The following FBXO21 variants were observed in gnomAD, a reference collection of about 807,000 sequenced individuals.
The protein encoded by FBXO21 is F-box only protein 21.
Under a neutral mutation model 76.6 loss-of-function variants are expected in FBXO21, and 32 were observed. That is an observed-to-expected ratio of 0.42 (90% CI 0.32 to 0.56). FBXO21 has a LOEUF of 0.56. FBXO21 is among the 20% of genes least tolerant of loss of function. The pLI is 0.16. For synonymous variants in FBXO21, 328 were observed against 311.5 expected (o/e 1.05, Z -0.56); for missense variants, 586 against 797.3 (o/e 0.73, Z 3.19).
rs1287528445 is a variant in FBXO21 at position 117,142,642 on chromosome 12, ATT to A, written c.*3443_*3444del. On this transcript the variant is annotated 3_prime_UTR_variant, in exon 12 of 12. Transcript: ENST00000622495. ...CAATTGTCCCACATCCAAATTTTGC[ATT>A]TTGTCCAGTTGATGTCTCTCCTTCC... The A allele has an allele frequency of 7.3e-6, 1 of 136,864 alleles. No homozygotes were observed. Among genetic ancestry groups the A allele is most frequent in the African/African-American group, 2.8e-5 (1 of 35,444 alleles). The allele number at this position is 136,864 out of a possible 1,614,324, so 8.5% of individuals were successfully genotyped here.
intron 4 of FBXO21, among the ~76,000 whole-genome samples, chr12:117,176,893 C>T (rs569940294): frequency 5.3e-5 from 8 of 152,092 alleles, no homozygotes; most frequent in Non-Finnish European, 8.8e-5. Flanking sequence ...TAAAAGTAAA[C>T]GACCAGTCAT....
chr12:117,188,901 G>T, intron 2 of FBXO21: 1 of 252,554 alleles, frequency 4.0e-6, no homozygotes, highest in South Asian at 7.7e-5. Flanking sequence ...AATAACGGAG[G>T]GGTTGCAAAA....
intron 11 of FBXO21, among the ~76,000 whole-genome samples, chr12:117,154,736 T>C (rs1402943439): frequency 1.3e-5 from 2 of 152,222 alleles, no homozygotes; most frequent in East Asian, 1.9e-4. Context: ...GCTGGGATTA[T>C]AGGTGTGAGA....
chr12:117,154,088 G>A (rs1337357495), intron 11 of FBXO21, among the ~76,000 whole-genome samples: 2 of 152,252 alleles, frequency 1.3e-5, no homozygotes, highest in African/African-American at 2.4e-5. Flanking sequence ...GCCATTTGTT[G>A]TAGGCTATCA....
At chr12:117,176,403 C>T (rs558642669) in intron 4 of FBXO21, among the ~76,000 whole-genome samples, 1 of 152,246 alleles carries the variant, frequency 6.6e-6, no homozygotes, top group South Asian at 2.1e-4. Flanking sequence ...CCAGTCTAGA[C>T]AATGGCCTGG....
chr12:117,173,652 A>G (rs1268289320), intron 6 of FBXO21, among the ~76,000 whole-genome samples: 4 of 152,260 alleles, frequency 2.6e-5, no homozygotes, highest in African/African-American at 9.6e-5. Context: ...CTGACCAAAC[A>G]GAGTCAGAGA....
In FBXO21 at chr12:117,174,794, G is replaced by C; in HGVS notation, c.596C>G (p.Ala199Gly). 6.2e-7 allele frequency: 1 copy of C among 1,609,594 alleles called. No individual in the cohort carries two copies. Reference protein sequence around the residue: ...PDDYESYLEGAVYIDQYCNPL... With the variant: ...PDDYESYLEGGVYIDQYCNPL... ...ATTGCAGTACTGGTCAATATATACAGCACCTGAAAATGAACAAGAATTACC... is the reference window on the plus strand; with the variant it reads ...ATTGCAGTACTGGTCAATATATACACCACCTGAAAATGAACAAGAATTACC... Residue 199 changes from alanine to glycine, a missense_variant, in exon 5 of 12, where the codon GCT becomes GGT. Physicochemically the swap from Ala to Gly is moderately conservative, Grantham distance 60. This residue lies in a region of FBXO21 where 246 missense variants were observed against 356.8 expected (regional missense o/e 0.69). Coordinates refer to ENST00000622495, the MANE Select transcript of FBXO21 (RefSeq NM_015002.3).
intron 10 of FBXO21, among the ~76,000 whole-genome samples, chr12:117,156,618 G>A (rs1258376638): frequency 6.6e-6 from 1 of 152,222 alleles, no homozygotes; most frequent in Non-Finnish European, 1.5e-5. Flanking sequence ...CAGGGAGGAA[G>A]GTCTGGAGGG....
At chr12:117,156,756 A>G (rs533099773) in intron 10 of FBXO21, among the ~76,000 whole-genome samples, 1 of 152,206 alleles carries the variant, frequency 6.6e-6, no homozygotes, top group Non-Finnish European at 1.5e-5. Context: ...AGTTTAAAAA[A>G]ATGCAATAAA....
In FBXO21 at chr12:117,142,363, A is replaced by G. The variant is rs1340246360; in HGVS notation, c.*3724T>C. 2 of 152,414 alleles carry G rather than the reference A, an allele frequency of 1.3e-5. No homozygotes were observed. Among genetic ancestry groups the G allele is most frequent in the South Asian group, 2.1e-4 (1 of 4,834 alleles). The allele number at this position is 152,414 out of a possible 1,614,324, so 9.4% of individuals were successfully genotyped here. A position where few individuals can be genotyped will look rare whatever the true frequency, so the allele number is the denominator to read the frequency against. ...AAGTGCCTACACCCTAGCCGGGGTCAGCCAACTATGGCCTGTGGGCACCAT... is the reference window on the plus strand; with the variant it reads ...AAGTGCCTACACCCTAGCCGGGGTCGGCCAACTATGGCCTGTGGGCACCAT... On this transcript the variant is annotated 3_prime_UTR_variant, in exon 12 of 12. Transcript: ENST00000622495.
intron 7 of FBXO21, among the ~76,000 whole-genome samples, chr12:117,168,785 A>G (rs1956087328): frequency 6.6e-6 from 1 of 152,194 alleles, no homozygotes; most frequent in South Asian, 2.1e-4. Context: ...TGCTGCAACA[A>G]TCGAAGGAGA....
intron 3 of FBXO21, among the ~76,000 whole-genome samples, chr12:117,181,599 G>GTCTATCTGTCTA (rs1956232677): frequency 1.4e-5 from 2 of 145,536 alleles, no homozygotes; most frequent in African/African-American, 2.5e-5. Context: ...ATCTGAGACA[G>GTCTATCTGTCTA]TCTATCTATC....
chr12:117,188,889 CAAATAACGGAGGGGTTGCAAA>C (rs1956316271), intron 2 of FBXO21: 3 of 242,020 alleles, frequency 1.2e-5, no homozygotes, highest in East Asian at 1.8e-4. Flanking sequence ...GATGATTCCC[CAAATAACGGAGGGGTTGCAAA>C]AAAAATCCGT....
Position 117,171,210 on chromosome 12 carries a change from A to G in FBXO21, c.1013+1261T>C, listed in dbSNP as rs1461320578. ...AAGACCCCGTCTCTACAAAAAAATT[A>G]GCCAGGTGGTGGTGGTACATGCCTG... On this transcript the variant is annotated intron_variant, in intron 7 of 11. Transcript: ENST00000622495. Among the ~76,000 whole-genome samples the G allele has an allele frequency of 5.9e-5, 9 of 151,966 alleles. No homozygotes were observed. In the East Asian group the frequency reaches 1.7e-3, roughly 29 times the overall value.
intron 3 of FBXO21, among the ~76,000 whole-genome samples, chr12:117,181,599 G>GTCTATCTATCTATCTA (rs1555242788): frequency 2.7e-5 from 4 of 145,536 alleles, no homozygotes; most frequent in East Asian, 2.1e-4. Context: ...ATCTGAGACA[G>GTCTATCTATCTATCTA]TCTATCTATC....
Position 117,183,948 on chromosome 12 carries a change from T to A in FBXO21, c.470+2529A>T, listed in dbSNP as rs980476234. Among the ~76,000 whole-genome samples, 3 of 152,318 alleles carry A rather than the reference T, an allele frequency of 2.0e-5. No individual in the cohort carries two copies. The South Asian group carries it at 6.2e-4, about 32-fold the overall frequency. ...AAAAATCCATTTTTTCCCTCTGAGTTTAAATATATTAAATTATCTTTTATT... is the reference window on the plus strand; with the variant it reads ...AAAAATCCATTTTTTCCCTCTGAGTATAAATATATTAAATTATCTTTTATT... On this transcript the variant is annotated intron_variant, in intron 3 of 11. Transcript: ENST00000622495.
chr12:117,160,972 T>C (rs1375880861), intron 9 of FBXO21, among the ~76,000 whole-genome samples: 1 of 152,116 alleles, frequency 6.6e-6, no homozygotes, highest in Non-Finnish European at 1.5e-5. Context: ...TTTTTTGAGC[T>C]CCTATCATGG....
intron 3 of FBXO21, among the ~76,000 whole-genome samples, chr12:117,185,404 G>A (rs974388778): frequency 3.9e-5 from 6 of 152,022 alleles, no homozygotes; most frequent in South Asian, 4.1e-4. Context: ...GAGATATTTC[G>A]CAAAGATTCC....
Position 117,189,362 on chromosome 12 carries a change from C to T in FBXO21, c.240G>A (p.Arg80=), listed in dbSNP as rs1216146123. 2 of 1,613,998 alleles carry T rather than the reference C, an allele frequency of 1.2e-6. No homozygotes were observed. The highest frequency in any genetic ancestry group is 1.3e-5 in the African/African-American group (1 of 74,888). Residue 80 remains arginine (R), a splice_region_variant and synonymous_variant, in exon 2 of 12, where the codon AGG becomes AGA. Coordinates refer to ENST00000622495, the MANE Select transcript of FBXO21 (RefSeq NM_015002.3). ...GKVWKEQFRV[R]WPSLMKHYSP... is the part of the protein sequence containing the mutation. ...TGTAGTGTTTCATAAGGGAAGGCCA[C>T]CTACGAGGAGAGAAACACCCCCTCA...
Sources: allele counts gnomAD v4.1 joint callset (sites outside exome capture counted in the v4.1 genomes callset), GRCh38; gene constraint gnomAD v4.1.1; regional missense constraint gnomAD v4.1.1; transcripts MANE v1.5; gene names NCBI Gene and HGNC (gene_info 2026-07-23, HGNC 2026-07-21).